Variants in STK40 observed in about 807,000 individuals in gnomAD.
The protein encoded by STK40 is serine/threonine-protein kinase 40.
A neutral mutation model predicts 47.9 loss-of-function variants in STK40; 13 were observed. That is an observed-to-expected ratio of 0.27 (90% CI 0.18 to 0.43). STK40 has a LOEUF of 0.43. Ranked by LOEUF, STK40 falls within the 20% of genes least tolerant of loss-of-function variation. The pLI, the probability that STK40 is intolerant of heterozygous loss-of-function variation, is 1.00. For synonymous variants in STK40, 225 were observed against 243.2 expected (o/e 0.93, Z 0.69); for missense variants, 460 against 595.1 (o/e 0.77, Z 2.36).
intron 1 of STK40, 109 bp from the exon 2 acceptor site, chr1:36,361,449 T>C (rs975043496): frequency 6.6e-7 from 1 of 1,526,534 alleles, no homozygotes; most frequent in African/African-American, 1.4e-5. Flanking sequence ...CTGCCGCTGC[T>C]GCCTCCAACT....
Position 36,341,698 on chromosome 1 carries a change from G to C in STK40, c.*57C>G. ...TACAGGGCCCAGCCCTGACAGCCAC[G>C]CCTTTGGCTGGGGCTGGAAGAAGTG... On this transcript the variant is annotated 3_prime_UTR_variant, in exon 11 of 11. Transcript: ENST00000373132. 2 of 1,589,074 alleles carry C rather than the reference G, an allele frequency of 1.3e-6. No individual in the cohort carries two copies. Among genetic ancestry groups the C allele is most frequent in the Admixed American group, 1.7e-5 (1 of 59,512 alleles).
At chr1:36,373,237 G>A (rs1646965541) in intron 1 of STK40, among the ~76,000 whole-genome samples, 1 of 152,196 alleles carries the variant, frequency 6.6e-6, no homozygotes, top group South Asian at 2.1e-4. Flanking sequence ...TTTGCTGGGT[G>A]AAGGGTGGGT....
At chr1:36,383,642 A>G (rs1557528603) in intron 1 of STK40, among the ~76,000 whole-genome samples, 1 of 152,106 alleles carries the variant, frequency 6.6e-6, no homozygotes, top group East Asian at 1.9e-4. Context: ...TATGTAACCA[A>G]TCATGTCATT....
chr1:36,362,140 G>C (rs750132277), intron 1 of STK40, among the ~76,000 whole-genome samples: 3 of 152,306 alleles, frequency 2.0e-5, no homozygotes, highest in South Asian at 4.1e-4. Context: ...GCGTAAAAAT[G>C]AAAGGCGGAC....
At chr1:36,345,448 G>T (rs532312642) in intron 7 of STK40, among the ~76,000 whole-genome samples, 1 of 152,340 alleles carries the variant, frequency 6.6e-6, no homozygotes, top group Non-Finnish European at 1.5e-5. Flanking sequence ...ATAAGCACCT[G>T]CCCTGGCTGG....
chr1:36,348,400 C>T (rs1646722577), intron 7 of STK40, among the ~76,000 whole-genome samples: 1 of 152,254 alleles, frequency 6.6e-6, no homozygotes. Flanking sequence ...CCCTTAAGAT[C>T]ATAGCTCAAC....
rs1040258442 is a variant in STK40, at chr1:36,340,625, C to G, written c.*1130G>C. ...AAGACGGGCATCCACTTCAAAATCTCGGCTCAAAAGGGCAGCAGGGCTGTT... is the reference window on the plus strand; with the variant it reads ...AAGACGGGCATCCACTTCAAAATCTGGGCTCAAAAGGGCAGCAGGGCTGTT... On this transcript the variant is annotated 3_prime_UTR_variant, in exon 11 of 11. Transcript: ENST00000373132. The G allele has an allele frequency of 6.5e-6, 1 of 152,874 alleles. No homozygotes were observed. The highest frequency in any genetic ancestry group is 1.5e-5 in the Non-Finnish European group (1 of 68,214). The allele number at this position is 152,874 out of a possible 1,614,324, so 9.5% of individuals were successfully genotyped here. A position where few individuals can be genotyped will look rare whatever the true frequency, so the allele number is the denominator to read the frequency against.
intron 1 of STK40, among the ~76,000 whole-genome samples, chr1:36,377,273 C>T (rs989788755): frequency 2.6e-5 from 4 of 151,822 alleles, no homozygotes; most frequent in South Asian, 4.2e-4. Context: ...TGGTGGCTCA[C>T]GCCTGTAATC....
intron 6 of STK40, among the ~76,000 whole-genome samples, chr1:36,351,323 T>A (rs1413606524): frequency 6.6e-6 from 1 of 152,206 alleles, no homozygotes; most frequent in Non-Finnish European, 1.5e-5. Context: ...TCTGCTCTGC[T>A]GAGAAGGCCT....
chr1:36,343,094 G>A (rs1646669364), intron 10 of STK40: 3 of 618,520 alleles, frequency 4.9e-6, no homozygotes, highest in East Asian at 2.7e-5. Context: ...AAGCTGAGAG[G>A]GCTGGCCTGG....
At chr1:36,345,904 G>A (rs1646694944) in intron 7 of STK40, among the ~76,000 whole-genome samples, 1 of 147,726 alleles carries the variant, frequency 6.8e-6, no homozygotes, top group South Asian at 2.1e-4. Flanking sequence ...CTTCTGAGGG[G>A]ACACTGTACC....
At chr1:36,344,592 T>C (rs530716895) in intron 7 of STK40, among the ~76,000 whole-genome samples, 17 of 152,186 alleles carry the variant, frequency 1.1e-4, no homozygotes, top group Non-Finnish European at 8.8e-5. Flanking sequence ...GCACAGCAGA[T>C]AACTAGCTGG....
At chr1:36,360,806 G>C (rs1241096287) in intron 2 of STK40, among the ~76,000 whole-genome samples, 1 of 152,182 alleles carries the variant, frequency 6.6e-6, no homozygotes, top group Non-Finnish European at 1.5e-5. Context: ...GCCTCGAAAA[G>C]TGCTGGGATT....
Position 36,385,890 on chromosome 1 carries a change from C to T in STK40, c.-176G>A, listed in dbSNP as rs913769688. On this transcript the variant is annotated 5_prime_UTR_variant, in exon 1 of 11. Coordinates refer to ENST00000373132, the MANE Select transcript of STK40 (RefSeq NM_001282547.2). ...CCGCCGCCGCCGCCGCCGCCTCCCTCCATGGCTGCGGCGCCGCCACCTGAC... is the reference window on the plus strand; with the variant it reads ...CCGCCGCCGCCGCCGCCGCCTCCCTTCATGGCTGCGGCGCCGCCACCTGAC... The T allele has an allele frequency of 2.3e-5, 4 of 171,646 alleles. No homozygotes were observed. Among genetic ancestry groups the T allele is most frequent in the Non-Finnish European group, 4.8e-5 (4 of 83,202 alleles). The allele number at this position is 171,646 out of a possible 1,614,324, so 10.6% of individuals were successfully genotyped here.
chr1:36,344,088 G>C, intron 8 of STK40, 32 bp downstream of exon 8: 1 of 1,575,854 alleles, frequency 6.3e-7, no homozygotes, highest in Non-Finnish European at 8.6e-7. Flanking sequence ...CAGGCTGGCT[G>C]CCCCCCCCAC....
chr1:36,341,426 A>C lies in STK40; in HGVS notation c.*329T>G. On this transcript the variant is annotated 3_prime_UTR_variant, in exon 11 of 11. Transcript: ENST00000373132. ...TGGTGGCCGCTGGGGAAGGCCCTGG[A>C]GTGGGGTGAGCAGGCTCCCTCCTCC... 1 of 278,024 alleles carries C rather than the reference A, an allele frequency of 3.6e-6. No homozygotes were observed. Among genetic ancestry groups the C allele is most frequent in the Non-Finnish European group, 7.0e-6 (1 of 141,966 alleles). The allele number at this position is 278,024 out of a possible 1,614,324, so 17.2% of individuals were successfully genotyped here. A position where few individuals can be genotyped will look rare whatever the true frequency, so the allele number is the denominator to read the frequency against.
intron 1 of STK40, among the ~76,000 whole-genome samples, chr1:36,372,253 G>A (rs1178298671): frequency 6.6e-6 from 1 of 151,828 alleles, no homozygotes; most frequent in Non-Finnish European, 1.5e-5. Context: ...GGAGGCTGAG[G>A]TGGGAGGATC....
chr1:36,348,970 T>C (rs1646728305), intron 6 of STK40, among the ~76,000 whole-genome samples, 155 bp from the exon 7 acceptor site: 1 of 152,078 alleles, frequency 6.6e-6, no homozygotes, highest in Non-Finnish European at 1.5e-5. Flanking sequence ...CGACCCCCTC[T>C]CCAGGGAGCA....
At chr1:36,375,127 A>T (rs1218530203) in intron 1 of STK40, among the ~76,000 whole-genome samples, 1 of 152,218 alleles carries the variant, frequency 6.6e-6, no homozygotes, top group Non-Finnish European at 1.5e-5. Flanking sequence ...TCTGGAGGAC[A>T]GGGACAGCGC....
Sources: gnomAD v4.1 joint callset for allele counts (sites outside exome capture counted in the v4.1 genomes callset) on GRCh38, gnomAD v4.1.1 for gene constraint, MANE v1.5 for transcripts, NCBI Gene and HGNC (gene_info 2026-07-23, HGNC 2026-07-21) for gene names.